The following SPATA6 variants were observed in gnomAD, a reference collection of about 807,000 sequenced individuals.
SPATA6 encodes spermatogenesis associated 6.
In SPATA6, 56 loss-of-function variants were observed where a neutral mutation model predicts 65.3. The observed-to-expected ratio is 0.86, with a 90% confidence interval of 0.69 to 1.07. The LOEUF is 1.07. Among genes scored for constraint, SPATA6 ranks in the 50% least tolerant of loss-of-function variants. The pLI is 0.00. For missense variants in SPATA6, 590 were observed against 594.8 expected (o/e 0.99, Z 0.08); for synonymous variants, 199 against 213.2 (o/e 0.93, Z 0.58).
At chr1:48,450,408 C>T (rs1656456965) in intron 3 of SPATA6, among the ~76,000 whole-genome samples, 1 of 151,042 alleles carries the variant, frequency 6.6e-6, no homozygotes, top group South Asian at 2.1e-4. Context: ...ACTAAGTACT[C>T]TTCTTATAGC....
At chr1:48,418,830 A>C (rs1480986624) in intron 3 of SPATA6, among the ~76,000 whole-genome samples, 2 of 144,500 alleles carry the variant, frequency 1.4e-5, no homozygotes, top group Non-Finnish European at 3.0e-5. Flanking sequence ...GGAGGGAGGG[A>C]AAGAGAGAGA....
intron 11 of SPATA6, among the ~76,000 whole-genome samples, chr1:48,338,506 C>G (rs989999632): frequency 3.9e-5 from 6 of 151,994 alleles, no homozygotes; most frequent in African/African-American, 1.4e-4. Flanking sequence ...ACACAAGAAC[C>G]AAAACGTTGA....
intron 3 of SPATA6, among the ~76,000 whole-genome samples, chr1:48,434,179 TATG>T (rs1654658672): frequency 6.6e-6 from 1 of 150,878 alleles, no homozygotes; most frequent in Non-Finnish European, 1.5e-5. Flanking sequence ...TGAAGCATTT[TATG>T]ATATTTTGTT....
chr1:48,394,990 A>AT (rs1212383527), intron 8 of SPATA6, among the ~76,000 whole-genome samples: 1 of 151,948 alleles, frequency 6.6e-6, no homozygotes, highest in African/African-American at 2.4e-5. Context: ...TAATCAAGTC[A>AT]TTTTTTACTA....
chr1:48,361,552 G>A (rs1181356312), intron 9 of SPATA6, among the ~76,000 whole-genome samples: 1 of 152,068 alleles, frequency 6.6e-6, no homozygotes, highest in Non-Finnish European at 1.5e-5. Context: ...CCTAAGTTTT[G>A]GGACTACAAT....
chr1:48,431,241 TC>T (rs1482773694), intron 3 of SPATA6, among the ~76,000 whole-genome samples: 1 of 152,016 alleles, frequency 6.6e-6, no homozygotes, highest in African/African-American at 2.4e-5. Context: ...CATTTATACA[TC>T]TATAAAGAGA....
intron 6 of SPATA6, among the ~76,000 whole-genome samples, chr1:48,403,222 T>A (rs922658906): frequency 2.6e-5 from 4 of 152,064 alleles, no homozygotes; most frequent in Non-Finnish European, 4.4e-5. Context: ...TAGATCCAGA[T>A]ATCTCAGCTT....
chr1:48,435,264 A>G (rs866112556), intron 3 of SPATA6, among the ~76,000 whole-genome samples: 14 of 152,142 alleles, frequency 9.2e-5, no homozygotes, highest in African/African-American at 3.4e-4. Flanking sequence ...TTTGTGTCTA[A>G]CTAAAGGATT....
At chr1:48,413,173 T>A in intron 3 of SPATA6, 22 bp from the exon 4 acceptor site, 1 of 1,389,514 alleles carries the variant, frequency 7.2e-7, no homozygotes, top group Non-Finnish European at 9.4e-7. Context: ...AAGAAAAATT[T>A]CCTTAAATAA....
chr1:48,379,561 C>T (rs1438381515), intron 9 of SPATA6, among the ~76,000 whole-genome samples: 1 of 152,082 alleles, frequency 6.6e-6, no homozygotes, highest in Non-Finnish European at 1.5e-5. Flanking sequence ...TATTTTACAG[C>T]ATGATGACTA....
chr1:48,335,273 A>G (rs998955243), intron 11 of SPATA6, among the ~76,000 whole-genome samples: 3 of 152,084 alleles, frequency 2.0e-5, no homozygotes, highest in African/African-American at 4.8e-5. Context: ...AAATAATTAG[A>G]AAAAACTATT....
intron 8 of SPATA6, among the ~76,000 whole-genome samples, chr1:48,391,544 A>T (rs1450249635): frequency 6.6e-6 from 1 of 152,150 alleles, no homozygotes; most frequent in East Asian, 1.9e-4. Flanking sequence ...TGATTTGCAC[A>T]GGTTTATAAT....
Position 48,315,203 on chromosome 1 carries a change from T to C in SPATA6, c.1195-9325A>G, listed in dbSNP as rs541427748. 3.3e-5 allele frequency among the ~76,000 whole-genome samples: 5 copies of C among 152,286 alleles called. No individual in the cohort carries two copies. In the South Asian group the frequency reaches 1.0e-3, roughly 32 times the overall value. On this transcript the variant is annotated intron_variant, in intron 11 of 12. Transcript: ENST00000371847. ...CCTAACTCATTTTATGAGGCGAGCA[T>C]CATCCTGATACCAAAGCCTGGCAGA... is the stretch of plus-strand genomic sequence containing the variant.
chr1:48,329,892 T>C (rs907882414), intron 11 of SPATA6, among the ~76,000 whole-genome samples: 3 of 152,114 alleles, frequency 2.0e-5, no homozygotes, highest in Non-Finnish European at 4.4e-5. Flanking sequence ...CCGTCACCCA[T>C]CCTGCACCTT....
intron 9 of SPATA6, among the ~76,000 whole-genome samples, chr1:48,361,012 A>C (rs1646796585): frequency 1.3e-5 from 2 of 152,230 alleles, no homozygotes; most frequent in African/African-American, 4.8e-5. Context: ...AGTTTTGGAC[A>C]TATTAAGCTT....
intron 11 of SPATA6, among the ~76,000 whole-genome samples, chr1:48,330,448 C>A (rs2067692): frequency 0.14 from 21,746 of 152,202 alleles, 1,767 homozygotes; most frequent in African/African-American, 0.21. Context: ...TCCCAGCTAC[C>A]ACCACCACTA....
intron 9 of SPATA6, among the ~76,000 whole-genome samples, chr1:48,368,381 G>C (rs1338402246): frequency 6.6e-6 from 1 of 152,234 alleles, no homozygotes; most frequent in Admixed American, 6.5e-5. Flanking sequence ...ATAATATCCT[G>C]CAGAGTGTTT....
chr1:48,385,271 G>T (rs755050886), intron 9 of SPATA6, 38 bp downstream of exon 9: 2 of 1,560,782 alleles, frequency 1.3e-6, no homozygotes, highest in Non-Finnish European at 1.7e-6. Context: ...TTGTCTGAAA[G>T]CCAGAACAAT....
In SPATA6 at chr1:48,359,755, G is replaced by A. The variant is rs1425632957; in HGVS notation, c.925C>T (p.His309Tyr). Residue 309 changes from histidine to tyrosine, a missense_variant, in exon 10 of 13, where the codon CAT (histidine) becomes TAT (tyrosine). Coordinates refer to ENST00000371847, the MANE Select transcript of SPATA6 (RefSeq NM_019073.4). ...PKDYKVIRTP[H>Y]GRDFDDSLEK... is the part of the protein sequence containing the mutation. ...AAAGAGTCATCGAAGTCTCTCCCAT[G>A]GGGTGTCCTGATAACCTGTTTTAAA... 1.2e-6 allele frequency: 2 copies of A among 1,611,482 alleles called. No homozygotes were observed. Among genetic ancestry groups the A allele is most frequent in the Admixed American group, 1.7e-5 (1 of 59,712 alleles).
Sources: allele counts gnomAD v4.1 joint callset (sites outside exome capture counted in the v4.1 genomes callset), GRCh38; gene constraint gnomAD v4.1.1; transcripts MANE v1.5; gene names NCBI Gene and HGNC (gene_info 2026-07-23, HGNC 2026-07-21).